The following CBR4 variants were observed in gnomAD, a reference collection of about 807,000 sequenced individuals.
CBR4 encodes carbonyl reductase 4.
A neutral mutation model predicts 21.0 loss-of-function variants in CBR4; 22 were observed. That is an observed-to-expected ratio of 1.05 (90% CI 0.75 to 1.50). The LOEUF (loss-of-function observed/expected upper bound fraction) is 1.50. CBR4 is among the 40% of genes most tolerant of loss of function. The pLI is 0.00. For missense variants in CBR4, 302 were observed against 286.3 expected (o/e 1.05, Z -0.40); for synonymous variants, 100 against 104.4 (o/e 0.96, Z 0.26).
At chr4:168,937,737 G>C (rs1199356221) in intron 2 of CBR4, among the ~76,000 whole-genome samples, 2 of 151,702 alleles carry the variant, frequency 1.3e-5, no homozygotes, top group Non-Finnish European at 2.9e-5. Flanking sequence ...TAATGGTAAA[G>C]GGATCAATGC....
intron 2 of CBR4, among the ~76,000 whole-genome samples, chr4:168,902,924 AC>A (rs1461992445): frequency 6.6e-6 from 1 of 151,998 alleles, no homozygotes; most frequent in Non-Finnish European, 1.5e-5. Flanking sequence ...GACATGCACC[AC>A]CACACCCAGA....
chr4:168,989,520 A>G lies in CBR4; in HGVS notation c.*630T>C. On this transcript the variant is annotated 3_prime_UTR_variant, in exon 5 of 5. Coordinates refer to ENST00000306193, the MANE Select transcript of CBR4 (RefSeq NM_032783.5). ...TTTGCAACCTGTATAAAAACTGATC[A>G]CCCAAGCACATGCAAAAGGAATATA... 1.0e-6 allele frequency: 1 copy of G among 985,398 alleles called. No individual in the cohort carries two copies. Among genetic ancestry groups the G allele is most frequent in the South Asian group, 4.7e-5 (1 of 21,282 alleles). 61.0% of individuals were successfully genotyped at this position (985,398 alleles called of 1,614,324 possible).
intron 2 of CBR4, among the ~76,000 whole-genome samples, chr4:168,957,354 A>C (rs1166035601): frequency 4.6e-5 from 7 of 151,988 alleles, no homozygotes; most frequent in Non-Finnish European, 7.4e-5. Flanking sequence ...CTACAAGACT[A>C]AACATTGTAC....
intron 2 of CBR4, among the ~76,000 whole-genome samples, chr4:168,980,347 C>T (rs948574430): frequency 6.6e-6 from 1 of 152,182 alleles, no homozygotes; most frequent in Non-Finnish European, 1.5e-5. Context: ...CAAGAGCCTA[C>T]CTACTGGCCA....
chr4:168,973,156 T>C (rs1764262614), intron 2 of CBR4, among the ~76,000 whole-genome samples: 3 of 152,318 alleles, frequency 2.0e-5, no homozygotes, highest in Non-Finnish European at 2.9e-5. Flanking sequence ...CCTTAATATA[T>C]TGTTGAATTC....
chr4:168,942,616 T>A (rs4407460), intron 2 of CBR4, among the ~76,000 whole-genome samples: 137,643 of 152,076 alleles, frequency 0.91, 62,378 homozygotes, highest in East Asian at 0.96. Context: ...AACTAAAATA[T>A]AAATAAATAT....
chr4:168,906,575 AC>A (rs1253602340), intron 2 of CBR4, among the ~76,000 whole-genome samples: 1 of 152,170 alleles, frequency 6.6e-6, no homozygotes, highest in Non-Finnish European at 1.5e-5. Flanking sequence ...ATCACATTGT[AC>A]CCCACAAATA....
chr4:168,992,667 A>G (rs1764982239), intron 4 of CBR4, among the ~76,000 whole-genome samples: 1 of 152,202 alleles, frequency 6.6e-6, no homozygotes. Context: ...AAAAAGTACT[A>G]TATACCAAAA....
At chr4:168,977,539 T>C (rs1277080442) in intron 2 of CBR4, among the ~76,000 whole-genome samples, 3 of 152,208 alleles carry the variant, frequency 2.0e-5, no homozygotes, top group Admixed American at 6.5e-5. Flanking sequence ...ACGCTCACTC[T>C]AAACTCTCTA....
At chr4:168,990,455 G>A (rs973594891) in intron 4 of CBR4, 127 bp from the exon 5 acceptor site, 1 of 825,718 alleles carries the variant, frequency 1.2e-6, no homozygotes, top group Admixed American at 3.5e-5. Flanking sequence ...ATTTTTTTTT[G>A]AGACAGGGTC....
At chr4:168,938,218 G>C (rs1169248564) in intron 2 of CBR4, among the ~76,000 whole-genome samples, 2 of 152,092 alleles carry the variant, frequency 1.3e-5, no homozygotes, top group Non-Finnish European at 2.9e-5. Context: ...TGACTACTGG[G>C]TAAATAACAA....
At position 168,953,577 on chromosome 4, in the gene CBR4, A is replaced by T. The variant is rs1578929130; in HGVS notation, n.169+48494T>A. On this transcript the variant is annotated intron_variant and non_coding_transcript_variant, in intron 2 of 3. Transcript: ENST00000509108. Reference sequence around the variant, plus strand: ...AGTAGCTGGGACCACAGCATGCACCACCTGCAAAGCTAATTTTTTTTTTTT... The same window carrying T: ...AGTAGCTGGGACCACAGCATGCACCTCCTGCAAAGCTAATTTTTTTTTTTT... 5.4e-5 allele frequency among the ~76,000 whole-genome samples: 8 copies of T among 147,252 alleles called. No individual in the cohort carries two copies. In the South Asian group the frequency reaches 6.5e-4, roughly 12 times the overall value.
In CBR4 at chr4:168,988,022, T is replaced by A. The variant is rs957653803; in HGVS notation, c.*2128A>T. 1 of 985,362 alleles carries A rather than the reference T, an allele frequency of 1.0e-6. No homozygotes were observed. The highest frequency in any genetic ancestry group is 1.2e-6 in the Non-Finnish European group (1 of 829,884). 61.0% of individuals were successfully genotyped at this position (985,362 alleles called of 1,614,324 possible). ...GAGTCAGCAAACAGCTACAGATGAGTCTTCTTGTTAAGAATTCATTCAATG... is the reference window on the plus strand; with the variant it reads ...GAGTCAGCAAACAGCTACAGATGAGACTTCTTGTTAAGAATTCATTCAATG... On this transcript the variant is annotated 3_prime_UTR_variant, in exon 5 of 5. Transcript: ENST00000306193.
chr4:168,897,740 A>C (rs992242126), intron 2 of CBR4, among the ~76,000 whole-genome samples: 1 of 152,204 alleles, frequency 6.6e-6, no homozygotes, highest in Non-Finnish European at 1.5e-5. Flanking sequence ...GGCATGAGCC[A>C]CTGTACCTGG....
At chr4:168,973,475 C>T (rs1263735529) in intron 2 of CBR4, among the ~76,000 whole-genome samples, 1 of 152,130 alleles carries the variant, frequency 6.6e-6, no homozygotes, top group African/African-American at 2.4e-5. Context: ...TTACAGGCAC[C>T]TGCCACCACA....
chr4:168,971,861 T>G (rs1456472211), intron 2 of CBR4, among the ~76,000 whole-genome samples: 1 of 152,220 alleles, frequency 6.6e-6, no homozygotes. Context: ...CATGAACTCT[T>G]TAGGCCAAGG....
Position 168,967,017 on chromosome 4 carries a change from A to AG in CBR4, n.169+35053_169+35054insC, listed in dbSNP as rs1489928079. Among the ~76,000 whole-genome samples, 4 of 151,442 alleles carry AG rather than the reference A, an allele frequency of 2.6e-5. No homozygotes were observed. In the East Asian group the frequency reaches 7.7e-4, roughly 29 times the overall value. On this transcript the variant is annotated intron_variant and non_coding_transcript_variant, in intron 2 of 3. Transcript: ENST00000509108. ...GCAATGGAGCAAAACTCCATCTAAA[A>AG]AAAAAAAAAAATCACGCTACTATAA...
At chr4:168,894,842 G>A in intron 2 of CBR4, 2 of 1,103,328 alleles carry the variant, frequency 1.8e-6, no homozygotes, top group Non-Finnish European at 2.6e-6. Context: ...TTTTTATTGA[G>A]CACATACTAT....
intron 2 of CBR4, among the ~76,000 whole-genome samples, chr4:168,919,705 A>G (rs1761036429): frequency 6.6e-6 from 1 of 152,150 alleles, no homozygotes; most frequent in South Asian, 2.1e-4. Context: ...ACATTCCTAG[A>G]CACTGATTAT....
Sources: allele counts gnomAD v4.1 joint callset (sites outside exome capture counted in the v4.1 genomes callset), GRCh38; gene constraint gnomAD v4.1.1; transcripts MANE v1.5; gene names NCBI Gene and HGNC (gene_info 2026-07-23, HGNC 2026-07-21).